STON2: variants seen among roughly 807,000 people sequenced by gnomAD.
STON2 encodes the protein stonin 2, also known as stonin-2.
A neutral mutation model predicts 65.7 loss-of-function variants in STON2; 29 were observed. The ratio of observed to expected loss-of-function variants is 0.44; its 90% CI spans 0.33 to 0.60. The LOEUF (loss-of-function observed/expected upper bound fraction) is 0.60. STON2 is among the 20% of genes least tolerant of loss of function. The pLI is 0.03. For missense variants in STON2, 1,054 were observed against 1,118.1 expected, an observed-to-expected ratio of 0.94 and a Z score of 0.82; for synonymous variants, 404 against 414.2, an observed-to-expected ratio of 0.98 and a Z score of 0.30.
chr14:81,328,999 C>T (rs1171803227), intron 4 of STON2, among the ~76,000 whole-genome samples: 2 of 152,152 alleles, frequency 1.3e-5, no homozygotes, highest in African/African-American at 4.8e-5. Context: ...TCTCAGGTAT[C>T]CCTCTATAGC....
At chr14:81,289,738 G>C (rs972226994) in intron 5 of STON2, among the ~76,000 whole-genome samples, 3 of 152,158 alleles carry the variant, frequency 2.0e-5, no homozygotes, top group South Asian at 2.1e-4. Flanking sequence ...CCAGCTCCTC[G>C]GGGCTGCACT....
At chr14:81,348,086 A>G (rs1262274498) in intron 4 of STON2, among the ~76,000 whole-genome samples, 1 of 152,084 alleles carries the variant, frequency 6.6e-6, no homozygotes, top group African/African-American at 2.4e-5. Flanking sequence ...TTTATGTTAA[A>G]AACTCTCAAC....
In STON2 at chr14:81,269,964, C is replaced by T. The variant is rs144322745; in HGVS notation, c.2784+706G>A. 1.2e-5 allele frequency: 12 copies of T among 985,408 alleles called. No individual in the cohort carries two copies. The African/African-American group carries it at 1.7e-4, about 14-fold the overall frequency. 61.0% of individuals were successfully genotyped at this position (985,408 alleles called of 1,614,324 possible). A position where few individuals can be genotyped will look rare whatever the true frequency, so the allele number is the denominator to read the frequency against. ...TGTGTGTCCTAACTTTGTTCAGGTC[C>T]ACTTCATCAACTCTAACTGAAGCAT... On this transcript the variant is annotated intron_variant, in intron 7 of 7. Coordinates refer to ENST00000614646, the MANE Select transcript of STON2 (RefSeq NM_001394390.1).
chr14:81,388,643 C>T (rs993722594), intron 3 of STON2, among the ~76,000 whole-genome samples: 2 of 152,190 alleles, frequency 1.3e-5, no homozygotes, highest in Non-Finnish European at 2.9e-5. Context: ...GCAAATAGTA[C>T]ATTCCAATTC....
intron 5 of STON2, among the ~76,000 whole-genome samples, chr14:81,315,540 C>T (rs1383323314): frequency 2.6e-5 from 4 of 152,246 alleles, no homozygotes; most frequent in African/African-American, 9.6e-5. Flanking sequence ...GAATTCTCAA[C>T]CTGTTGCTAT....
At chr14:81,330,078 T>C (rs1438677408) in intron 4 of STON2, among the ~76,000 whole-genome samples, 2 of 152,208 alleles carry the variant, frequency 1.3e-5, no homozygotes, top group Non-Finnish European at 2.9e-5. Context: ...CTCTATCCTG[T>C]TGTATCTCAG....
In STON2 at chr14:81,263,465, G is replaced by C. The variant is rs1179133304; in HGVS notation, c.*4949C>G. ...AGGCAGGAGAATCACTTGAACCCGG[G>C]AGGCGGAGGTTGCAGTGAGCCGATG... On this transcript the variant is annotated 3_prime_UTR_variant, in exon 8 of 8. Transcript: ENST00000614646. Among the ~76,000 whole-genome samples, 1 of 149,126 alleles carries C rather than the reference G, an allele frequency of 6.7e-6. No homozygotes were observed. Among genetic ancestry groups the C allele is most frequent in the African/African-American group, 2.5e-5 (1 of 40,662 alleles).
At chr14:81,339,180 C>T (rs1029717206) in intron 4 of STON2, among the ~76,000 whole-genome samples, 1 of 152,158 alleles carries the variant, frequency 6.6e-6, no homozygotes, top group African/African-American at 2.4e-5. Flanking sequence ...GCATTATCTA[C>T]TAGGCACCTA....
chr14:81,270,735 T>C lies in STON2; in HGVS notation c.2719A>G (p.Ile907Val), dbSNP rs151010682. ...ACGTCAGTCTTGTCTTCTACAGAGA[T>C]AGATCTCACGCTGGCTTTGGAGGCA... ...TSASKASVRS[I>V]SVEDKTDVRK... Residue 907 changes from isoleucine to valine, a missense_variant, in exon 7 of 8, where the codon ATC becomes GTC. Transcript: ENST00000614646. 2.7e-4 allele frequency: 429 copies of C among 1,614,154 alleles called. No homozygotes were observed. The highest frequency in any genetic ancestry group is 9.3e-4 in the African/African-American group (70 of 75,046).
chr14:81,274,392 T>C (rs1220928338), intron 6 of STON2, among the ~76,000 whole-genome samples: 1 of 152,176 alleles, frequency 6.6e-6, no homozygotes, highest in Non-Finnish European at 1.5e-5. Flanking sequence ...TAAAACAGCA[T>C]ATAAGCTGCA....
chr14:81,418,768 A>G (rs148811048), intron 2 of STON2, among the ~76,000 whole-genome samples: 7 of 152,344 alleles, frequency 4.6e-5, no homozygotes, highest in African/African-American at 1.7e-4. Context: ...CAAATTTATT[A>G]ATTTGGGATT....
intron 4 of STON2, among the ~76,000 whole-genome samples, chr14:81,362,763 T>C (rs1361719732): frequency 6.6e-6 from 1 of 152,188 alleles, no homozygotes; most frequent in Non-Finnish European, 1.5e-5. Flanking sequence ...ATATAATTTG[T>C]CTACTTATAA....
intron 3 of STON2, among the ~76,000 whole-genome samples, chr14:81,371,841 C>G (rs1034512134): frequency 2.0e-5 from 3 of 152,112 alleles, no homozygotes; most frequent in Admixed American, 2.0e-4. Context: ...CAGTTTCACC[C>G]TTACTGTTAC....
At chr14:81,357,965 C>A (rs755616364) in intron 4 of STON2, among the ~76,000 whole-genome samples, 4 of 150,690 alleles carry the variant, frequency 2.7e-5, no homozygotes, top group Admixed American at 6.6e-5. Flanking sequence ...GTGCAGCGCA[C>A]CAGCATGTCA....
intron 1 of STON2, among the ~76,000 whole-genome samples, chr14:81,430,336 T>C (rs905074919): frequency 1.3e-5 from 2 of 152,242 alleles, no homozygotes; most frequent in African/African-American, 4.8e-5. Flanking sequence ...AGCATAATAC[T>C]TCTCTGAATT....
At chr14:81,340,789 T>G (rs1365662503) in intron 4 of STON2, among the ~76,000 whole-genome samples, 1 of 152,146 alleles carries the variant, frequency 6.6e-6, no homozygotes, top group African/African-American at 2.4e-5. Context: ...ACTGAAATCT[T>G]GGGTTTTTAT....
chr14:81,390,165 G>A (rs546552049), intron 3 of STON2, among the ~76,000 whole-genome samples: 1 of 150,878 alleles, frequency 6.6e-6, no homozygotes, highest in Admixed American at 6.6e-5. Flanking sequence ...CTGGACTCCA[G>A]CCTGAGTGAC....
intron 2 of STON2, among the ~76,000 whole-genome samples, chr14:81,406,580 C>G (rs1014222921): frequency 2.0e-5 from 3 of 152,118 alleles, no homozygotes; most frequent in Non-Finnish European, 4.4e-5. Flanking sequence ...TGGCCCTTTA[C>G]AGAAAAAAAT....
intron 5 of STON2, among the ~76,000 whole-genome samples, chr14:81,279,704 GA>G (rs553695853): frequency 1.1e-3 from 150 of 142,260 alleles, no homozygotes; most frequent in South Asian, 2.4e-3. Flanking sequence ...AATGAAAAAT[GA>G]AAAAAAAAAA....
Sources: allele counts gnomAD v4.1 joint callset (sites outside exome capture counted in the v4.1 genomes callset), GRCh38; gene constraint gnomAD v4.1.1; transcripts MANE v1.5; gene names NCBI Gene and HGNC (gene_info 2026-07-23, HGNC 2026-07-21).